MRPS22: variants seen among roughly 807,000 people sequenced by gnomAD.
MRPS22 encodes mitochondrial ribosomal protein S22.
In MRPS22, 30 loss-of-function variants were observed where a neutral mutation model predicts 44.0. The observed-to-expected ratio is 0.68, with a 90% CI of 0.51 to 0.93. The LOEUF (loss-of-function observed/expected upper bound fraction) is 0.93. MRPS22 is among the 40% of genes least tolerant of loss of function. The pLI, the probability that MRPS22 is intolerant of heterozygous loss-of-function variation, is 0.00. For synonymous variants in MRPS22, 165 were observed against 154.4 expected (o/e 1.07, Z -0.51); for missense variants, 447 against 447.8 (o/e 1.00, Z 0.02).
At position 139,352,748 on chromosome 3, in the gene MRPS22, T is replaced by A; in HGVS notation, c.834T>A (p.Asn278Lys). 1 of 1,613,834 alleles carries A rather than the reference T, an allele frequency of 6.2e-7. No individual in the cohort carries two copies. The highest frequency in any genetic ancestry group is 8.5e-7 in the Non-Finnish European group (1 of 1,179,810). Residue 278 changes from asparagine (N) to lysine (K), a missense_variant, in exon 6 of 8, where the codon AAT becomes AAA. Physicochemically the swap from Asn to Lys is moderately conservative, Grantham distance 94. Coordinates refer to ENST00000680020, the MANE Select transcript of MRPS22 (RefSeq NM_020191.4). The stretch of plus-strand genomic sequence containing the variant: ...GAATGGTGTGGTATTTTGTAAATAA[T>A]AAAAAGATTGATGGTTTGCTGATTG... ...FGGMVWYFVN[N>K]KKIDGLLIDQ...
At position 139,345,898 on chromosome 3, in the gene MRPS22, C is replaced by A. The variant is rs78531854; in HGVS notation, c.173-980C>A. Reference sequence around the variant, plus strand: ...CATATAAAGGTAATTGAAGTCGTGGCAGGATAGGAGAAATCATCGAGTAAG... The same window carrying A: ...CATATAAAGGTAATTGAAGTCGTGGAAGGATAGGAGAAATCATCGAGTAAG... On this transcript the variant is annotated intron_variant, in intron 1 of 7. Transcript: ENST00000680020. Among the ~76,000 whole-genome samples the A allele has an allele frequency of 9.2e-5, 14 of 152,112 alleles. No individual in the cohort carries two copies. In the East Asian group the frequency reaches 2.5e-3, roughly 27 times the overall value.
chr3:139,344,243 C>T (rs529367374), intron 1 of MRPS22, 45 bp downstream of exon 1: 19 of 1,558,876 alleles, frequency 1.2e-5, no homozygotes, highest in African/African-American at 2.7e-5. Flanking sequence ...TTCTGGGAGA[C>T]GTAGATCCTG....
chr3:139,357,138 A>AAATT (rs1941299314), downstream of MRPS22: 4 of 779,688 alleles, frequency 5.1e-6, no homozygotes, highest in Admixed American at 2.3e-5. Flanking sequence ...TACAAAGCAA[A>AAATT]AATTATTACC....
At chr3:139,344,761 A>C in intron 1 of MRPS22, 1 of 665,734 alleles carries the variant, frequency 1.5e-6, no homozygotes, top group Non-Finnish European at 2.7e-6. Context: ...ATATGAGTTT[A>C]AAGGGACAAA....
intron 5 of MRPS22, 87 bp from the exon 6 acceptor site, chr3:139,352,560 C>A: frequency 8.3e-7 from 1 of 1,211,652 alleles, no homozygotes. Context: ...CTTGCTTGGG[C>A]AGCACTCATG....
At chr3:139,348,579 G>A (rs1941089999) in intron 3 of MRPS22, 2 of 477,370 alleles carry the variant, frequency 4.2e-6, no homozygotes, top group African/African-American at 2.0e-5. Flanking sequence ...AGAACAAGGA[G>A]TACACAGATA....
At chr3:139,352,857 G>C in intron 6 of MRPS22, 65 bp downstream of exon 6, 1 of 1,544,590 alleles carries the variant, frequency 6.5e-7, no homozygotes, top group African/African-American at 1.4e-5. Flanking sequence ...CTGTATTTAG[G>C]CTATGGTATT....
chr3:139,353,645 C>T (rs2107790786), intron 6 of MRPS22, among the ~76,000 whole-genome samples: 1 of 152,218 alleles, frequency 6.6e-6, no homozygotes, highest in Non-Finnish European at 1.5e-5. Context: ...ATAAAATCAG[C>T]CCATACTTGG....
At chr3:139,347,480 G>A (rs1941061569) in intron 2 of MRPS22, among the ~76,000 whole-genome samples, 1 of 152,164 alleles carries the variant, frequency 6.6e-6, no homozygotes, top group Admixed American at 6.5e-5. Context: ...ACACTTTGAT[G>A]TATGAATACG....
chr3:139,346,745 A>T, intron 1 of MRPS22, 133 bp from the exon 2 acceptor site: 1 of 818,756 alleles, frequency 1.2e-6, no homozygotes, highest in Non-Finnish European at 2.1e-6. Flanking sequence ...AATGCATCTC[A>T]TAGGTATTAG....
At chr3:139,349,149 C>A in intron 3 of MRPS22, 1 of 329,784 alleles carries the variant, frequency 3.0e-6, no homozygotes, top group Non-Finnish European at 6.0e-6. Context: ...ATTTTAATTA[C>A]AGTTTTTGTT....
At position 139,346,937 on chromosome 3, in the gene MRPS22, A is replaced by C. The variant is rs200542439; in HGVS notation, c.232A>C (p.Ile78Leu). Residue 78 changes from isoleucine to leucine, a missense_variant, in exon 2 of 8, where the codon ATA (isoleucine) becomes CTA (leucine). Coordinates refer to ENST00000680020, the MANE Select transcript of MRPS22 (RefSeq NM_020191.4). ...PTFMDEEVQS[I>L]LTKMTGLNLQ... ...ATTTATGGATGAGGAAGTTCAAAGC[A>C]TACTCACGAAAATGACAGGCTTGAA... 3.7e-6 allele frequency: 6 copies of C among 1,614,226 alleles called. No homozygotes were observed. Among genetic ancestry groups the C allele is most frequent in the Non-Finnish European group, 5.1e-6 (6 of 1,180,036 alleles).
intron 3 of MRPS22, chr3:139,349,208 A>G: frequency 2.4e-6 from 1 of 411,632 alleles, no homozygotes; most frequent in Non-Finnish European, 4.7e-6. Context: ...TTGGTTGGGA[A>G]GCATTTTGTA....
intron 1 of MRPS22, among the ~76,000 whole-genome samples, chr3:139,344,918 G>A (rs1220868195): frequency 6.6e-6 from 1 of 152,052 alleles, no homozygotes; most frequent in Non-Finnish European, 1.5e-5. Context: ...GAAAGGAGGC[G>A]GAATTAAACC....
At chr3:139,349,675 T>C (rs891228186) in intron 3 of MRPS22, among the ~76,000 whole-genome samples, 3 of 152,178 alleles carry the variant, frequency 2.0e-5, no homozygotes, top group Non-Finnish European at 2.9e-5. Flanking sequence ...CCAGAGACAG[T>C]TGGACCAGAC....
At position 139,347,007 on chromosome 3, in the gene MRPS22, C is replaced by T. The variant is rs369598731; in HGVS notation, c.302C>T (p.Pro101Leu). ...CCAGCTATACAAGAACTGAAGCCAC[C>T]AACCTATAAGCTAATGACTCAGGCA... is the stretch of plus-strand genomic sequence containing the variant. Reference protein sequence around the residue: ...FKPAIQELKPPTYKLMTQAQL... With the variant: ...FKPAIQELKPLTYKLMTQAQL... Residue 101 changes from proline to leucine, a missense_variant, in exon 2 of 8, where the codon CCA becomes CTA. Coordinates refer to ENST00000680020, the MANE Select transcript of MRPS22 (RefSeq NM_020191.4). The T allele has an allele frequency of 1.6e-5, 26 of 1,614,038 alleles. No homozygotes were observed. The African/African-American group carries it at 2.9e-4, about 18-fold the overall frequency.
intron 1 of MRPS22, 99 bp from the exon 2 acceptor site, chr3:139,346,779 A>G (rs1431311157): frequency 4.3e-5 from 54 of 1,249,806 alleles, no homozygotes; most frequent in Middle Eastern, 3.8e-4. Flanking sequence ...CAAGGTAGAC[A>G]TTGTGCTAAT....
chr3:139,351,391 T>C (rs1941149153), intron 5 of MRPS22: 4 of 363,210 alleles, frequency 1.1e-5, no homozygotes, highest in South Asian at 4.4e-5. Context: ...ACTAAAATTT[T>C]GCTGAAGTAC....
At chr3:139,351,084 A>T (rs1451719149) in intron 5 of MRPS22, 24 bp downstream of exon 5, 1 of 1,553,586 alleles carries the variant, frequency 6.4e-7, no homozygotes, top group Non-Finnish European at 8.9e-7. Flanking sequence ...AGTTTCTAAA[A>T]TATAGGCTTA....
Sources: gnomAD v4.1 joint callset for allele counts (sites outside exome capture counted in the v4.1 genomes callset) on GRCh38, gnomAD v4.1.1 for gene constraint, MANE v1.5 for transcripts, NCBI Gene and HGNC (gene_info 2026-07-23, HGNC 2026-07-21) for gene names.